The following TP53BP2 variants were observed in gnomAD, a reference collection of about 807,000 sequenced individuals.
TP53BP2 encodes the protein tumor protein p53 binding protein 2.
Under a neutral mutation model 126.2 loss-of-function variants are expected in TP53BP2, and 62 were observed. That is an observed-to-expected ratio of 0.49 (90% CI 0.40 to 0.61). TP53BP2 has a LOEUF of 0.61. TP53BP2 is among the 20% of genes least tolerant of loss of function. The probability of loss-of-function intolerance (pLI) is 0.00; values close to 1 mark genes in which losing one functional copy is unlikely to be tolerated. For synonymous variants in TP53BP2, 485 were observed against 502.9 expected, an observed-to-expected ratio of 0.96 and a Z score of 0.48; for missense variants, 1,215 against 1,402.8, an observed-to-expected ratio of 0.87 and a Z score of 2.14.
chr1:223,791,775 T>C (rs1054228691), intron 15 of TP53BP2, among the ~76,000 whole-genome samples: 3 of 152,222 alleles, frequency 2.0e-5, no homozygotes. Flanking sequence ...CTTAAAACTT[T>C]CTTTTTTAAA....
chr1:223,813,508 C>T (rs1662984019), intron 3 of TP53BP2, among the ~76,000 whole-genome samples: 1 of 152,152 alleles, frequency 6.6e-6, no homozygotes, highest in Non-Finnish European at 1.5e-5. Flanking sequence ...TTCACTTCTT[C>T]CCCACCCAGC....
Position 223,841,854 on chromosome 1 carries a change from G to C in TP53BP2, c.27+3800C>G, listed in dbSNP as rs560150501. 5.3e-5 allele frequency among the ~76,000 whole-genome samples: 8 copies of C among 151,062 alleles called. No homozygotes were observed. In the South Asian group the frequency reaches 1.5e-3, roughly 28 times the overall value. On this transcript the variant is annotated intron_variant, in intron 1 of 17. Coordinates refer to ENST00000343537, the MANE Select transcript of TP53BP2 (RefSeq NM_001031685.3). The stretch of plus-strand genomic sequence containing the variant: ...GAAAGATAAAATGCCATAAACTTAG[G>C]AATTAAACTATGATCACTTCAACTG...
chr1:223,782,008 T>A (rs1338116684), intron 17 of TP53BP2, among the ~76,000 whole-genome samples: 1 of 151,540 alleles, frequency 6.6e-6, no homozygotes, highest in African/African-American at 2.4e-5. Context: ...CTTGGAAACA[T>A]GCAATGTTCC....
chr1:223,792,582 T>C, intron 14 of TP53BP2, 60 bp from the exon 15 acceptor site: 1 of 1,581,868 alleles, frequency 6.3e-7, no homozygotes, highest in East Asian at 2.3e-5. Context: ...CTGTCACTAC[T>C]AACTGGCTCC....
chr1:223,817,587 G>A (rs1663132215), intron 2 of TP53BP2, among the ~76,000 whole-genome samples: 1 of 152,072 alleles, frequency 6.6e-6, no homozygotes, highest in South Asian at 2.1e-4. Flanking sequence ...TGTAAATAAA[G>A]CAATTGTTAG....
chr1:223,831,491 A>G (rs1663728837), intron 1 of TP53BP2, among the ~76,000 whole-genome samples: 1 of 81,412 alleles, frequency 1.2e-5, no homozygotes, highest in Non-Finnish European at 2.0e-5. Context: ...ATATATATAT[A>G]TATATATATA....
chr1:223,816,794 CTT>C (rs1663100674), intron 2 of TP53BP2, among the ~76,000 whole-genome samples: 1 of 151,718 alleles, frequency 6.6e-6, no homozygotes. Context: ...TGATAGTAAC[CTT>C]TTTACTACCT....
intron 1 of TP53BP2, among the ~76,000 whole-genome samples, chr1:223,841,900 T>C (rs1324627595): frequency 6.7e-6 from 1 of 150,128 alleles, no homozygotes; most frequent in African/African-American, 2.5e-5. Context: ...AATAAGCCAT[T>C]ACTTTCTCTT....
intron 1 of TP53BP2, among the ~76,000 whole-genome samples, chr1:223,827,472 G>C (rs907298953): frequency 6.6e-6 from 1 of 152,172 alleles, no homozygotes; most frequent in Non-Finnish European, 1.5e-5. Context: ...TAAGGGCCTG[G>C]CTGGAACAGG....
At chr1:223,786,897 C>T (rs1390000200) in intron 16 of TP53BP2, among the ~76,000 whole-genome samples, 4 of 151,014 alleles carry the variant, frequency 2.6e-5, no homozygotes, top group South Asian at 2.1e-4. Flanking sequence ...TGAGCCACCG[C>T]GCCCGGCTTT....
chr1:223,796,298 T>C lies in TP53BP2; in HGVS notation c.2241A>G (p.Pro747=), dbSNP rs369985727. 2.5e-6 allele frequency: 4 copies of C among 1,614,086 alleles called. No individual in the cohort carries two copies. The highest frequency in any genetic ancestry group is 3.4e-6 in the Non-Finnish European group (4 of 1,180,048). The change falls in exon 13 of 18, where the codon CCA becomes CCG. Residue 747 remains proline, a synonymous_variant. Transcript: ENST00000343537. The surrounding 1 kb of genome is among the most constrained non-coding windows in gnomAD (Gnocchi z 4.2). ...PLKKRSSITE[P]EGPNGPNIQK... is the part of the protein sequence containing the mutation. The stretch of plus-strand genomic sequence containing the variant: ...GAATATTTGGCCCATTAGGACCCTC[T>C]GGCTCTGTAATAGAACTACGTTTCT...
chr1:223,837,417 AG>A (rs1663959629), intron 1 of TP53BP2, among the ~76,000 whole-genome samples: 1 of 152,138 alleles, frequency 6.6e-6, no homozygotes, highest in Admixed American at 6.5e-5. Context: ...TTAGCCCCAT[AG>A]GAAGGAGCTT....
Sources: allele counts gnomAD v4.1 joint callset (sites outside exome capture counted in the v4.1 genomes callset), GRCh38; gene constraint gnomAD v4.1.1; non-coding constraint Gnocchi (gnomAD v3.1); transcripts MANE v1.5; gene names NCBI Gene and HGNC (gene_info 2026-07-23, HGNC 2026-07-21).